Variants in LRRC4C observed in about 807,000 individuals in gnomAD.
The protein encoded by LRRC4C is leucine rich repeat containing 4C, also known as leucine-rich repeat-containing protein 4C.
LRRC4C carries 5 observed loss-of-function variants against 33.6 expected under a neutral mutation model. The observed-to-expected ratio is 0.15, with a 90% CI of 0.08 to 0.31. The LOEUF is 0.31. Ranked by LOEUF, LRRC4C falls within the 10% of genes least tolerant of loss-of-function variation. The probability of loss-of-function intolerance (pLI) is 1.00; values close to 1 mark genes in which losing one functional copy is unlikely to be tolerated. For missense variants in LRRC4C, 560 were observed against 796.7 expected (o/e 0.70, Z 3.58); for synonymous variants, 329 against 302.0 (o/e 1.09, Z -0.93).
chr11:40,876,994 T>C (rs1226980621), intron 2 of LRRC4C, among the ~76,000 whole-genome samples: 2 of 151,966 alleles, frequency 1.3e-5, no homozygotes, highest in East Asian at 3.9e-4. Flanking sequence ...ATCTCACTTT[T>C]GTGAGTAAGA....
intron 3 of LRRC4C, among the ~76,000 whole-genome samples, chr11:40,324,786 G>A (rs1946017058): frequency 6.6e-6 from 1 of 152,208 alleles, no homozygotes; most frequent in Admixed American, 6.5e-5. Flanking sequence ...ATAAGGACAA[G>A]GTTGGGGTCA....
intron 3 of LRRC4C, among the ~76,000 whole-genome samples, chr11:40,388,918 G>T (rs1249347459): frequency 6.6e-6 from 1 of 152,264 alleles, no homozygotes; most frequent in South Asian, 2.1e-4. Flanking sequence ...ATTTTTAGGA[G>T]ACCAAGAGTT....
intron 3 of LRRC4C, among the ~76,000 whole-genome samples, chr11:40,618,370 A>G (rs2201510): frequency 0.43 from 65,457 of 151,286 alleles, 15,238 homozygotes; most frequent in Middle Eastern, 0.57. Flanking sequence ...ACTAGGAGAA[A>G]GGCATGGGAC....
intron 1 of LRRC4C, among the ~76,000 whole-genome samples, chr11:41,105,341 A>T (rs937794543): frequency 3.9e-5 from 6 of 152,008 alleles, no homozygotes; most frequent in Admixed American, 2.6e-4. Context: ...ACTGCACATC[A>T]AAGTCATGCC....
intron 2 of LRRC4C, among the ~76,000 whole-genome samples, chr11:40,787,684 C>T (rs886145415): frequency 2.6e-5 from 4 of 152,054 alleles, no homozygotes; most frequent in African/African-American, 7.2e-5. Flanking sequence ...GTTATTTTGG[C>T]AATTTAAAAA....
intron 2 of LRRC4C, among the ~76,000 whole-genome samples, chr11:40,909,954 CAT>C (rs1347743668): frequency 1.3e-5 from 2 of 152,124 alleles, no homozygotes; most frequent in Non-Finnish European, 2.9e-5. Context: ...TTTAATGGAA[CAT>C]AGAAATTTTT....
intron 1 of LRRC4C, among the ~76,000 whole-genome samples, chr11:41,142,172 A>G (rs1479321203): frequency 6.6e-6 from 1 of 152,078 alleles, no homozygotes; most frequent in Admixed American, 6.6e-5. Flanking sequence ...CTGTCAGTTA[A>G]TTAATAGGTT....
At chr11:41,200,245 G>A (rs1169333253) in intron 1 of LRRC4C, among the ~76,000 whole-genome samples, 1 of 152,046 alleles carries the variant, frequency 6.6e-6, no homozygotes, top group Non-Finnish European at 1.5e-5. Flanking sequence ...GGTGACAGCA[G>A]GTTCTAAATA....
intron 2 of LRRC4C, among the ~76,000 whole-genome samples, chr11:40,729,881 T>C (rs1947470764): frequency 6.6e-6 from 1 of 152,170 alleles, no homozygotes; most frequent in Admixed American, 6.5e-5. Flanking sequence ...TAGAGAGAGA[T>C]GCTGAAAATA....
chr11:41,154,780 G>A (rs1260010158), intron 1 of LRRC4C, among the ~76,000 whole-genome samples: 3 of 152,084 alleles, frequency 2.0e-5, no homozygotes, highest in Non-Finnish European at 2.9e-5. Flanking sequence ...ATTATTCATT[G>A]GGACTCGTTT....
chr11:40,942,332 G>A (rs1958191942), intron 1 of LRRC4C, among the ~76,000 whole-genome samples: 1 of 152,120 alleles, frequency 6.6e-6, no homozygotes, highest in South Asian at 2.1e-4. Flanking sequence ...CCAGCAAGAG[G>A]ACAAATGGCA....
intron 3 of LRRC4C, among the ~76,000 whole-genome samples, chr11:40,393,115 A>G (rs867124241): frequency 6.6e-6 from 1 of 152,284 alleles, no homozygotes; most frequent in South Asian, 2.1e-4. Context: ...AAAATATTGT[A>G]AAGACAACGT....
chr11:40,865,204 C>G (rs942305582), intron 2 of LRRC4C, among the ~76,000 whole-genome samples: 2 of 152,088 alleles, frequency 1.3e-5, no homozygotes, highest in Non-Finnish European at 2.9e-5. Flanking sequence ...ACCACACGAT[C>G]TCACCCATAT....
At chr11:40,911,009 G>A (rs1363210207) in intron 2 of LRRC4C, among the ~76,000 whole-genome samples, 2 of 152,204 alleles carry the variant, frequency 1.3e-5, no homozygotes, top group African/African-American at 2.4e-5. Flanking sequence ...AGGGGCGCCT[G>A]CCATTGCCGA....
At chr11:40,184,489 C>CA (rs1489950920) in intron 5 of LRRC4C, among the ~76,000 whole-genome samples, 2 of 152,004 alleles carry the variant, frequency 1.3e-5, no homozygotes, top group African/African-American at 4.8e-5. Context: ...AGAAACCAGG[C>CA]AAGAATAAGG....
At chr11:41,345,582 A>G (rs1476658571) in intron 1 of LRRC4C, among the ~76,000 whole-genome samples, 2 of 152,180 alleles carry the variant, frequency 1.3e-5, no homozygotes, top group African/African-American at 4.8e-5. Flanking sequence ...TTATCTATAA[A>G]GAAGTTAGAA....
rs191206472 is a variant in LRRC4C, at chr11:41,240,465, G to A, written c.-496+218966C>T. Among the ~76,000 whole-genome samples, 45 of 152,222 alleles carry A rather than the reference G, an allele frequency of 3.0e-4. No individual in the cohort carries two copies. The East Asian group carries it at 8.3e-3, about 28-fold the overall frequency. On this transcript the variant is annotated intron_variant, in intron 1 of 6. Transcript: ENST00000528697. ...GAAGATTTTTTTCTGAAATATTAAA[G>A]AACAACCAAGAGAAAGAGGCTATTA...
intron 3 of LRRC4C, among the ~76,000 whole-genome samples, chr11:40,633,371 T>TTCTTTCTTTCTTTCCTTCTCTCTC (rs745929705): frequency 1.0e-5 from 1 of 96,308 alleles, no homozygotes; most frequent in Non-Finnish European, 2.2e-5. Context: ...CTTTCTTTCT[T>TTCTTTCTTTCTTTCCTTCTCTCTC]TCTCTCTCTT....
At chr11:40,918,260 A>T (rs1957041713) in intron 2 of LRRC4C, among the ~76,000 whole-genome samples, 1 of 152,122 alleles carries the variant, frequency 6.6e-6, no homozygotes, top group Admixed American at 6.6e-5. Context: ...AACACACAGC[A>T]TTCCAAAATT....
Sources: allele counts gnomAD v4.1 joint callset (sites outside exome capture counted in the v4.1 genomes callset), GRCh38; gene constraint gnomAD v4.1.1; transcripts MANE v1.5; gene names NCBI Gene and HGNC (gene_info 2026-07-23, HGNC 2026-07-21).